OR2L13: variants seen among roughly 807,000 people sequenced by gnomAD.
The protein encoded by OR2L13 is olfactory receptor 2L13.
Under a neutral mutation model 15.3 loss-of-function variants are expected in OR2L13, and 14 were observed. The ratio of observed to expected loss-of-function variants is 0.91; its 90% CI spans 0.60 to 1.43. OR2L13 has a LOEUF of 1.43. Among genes scored for constraint, OR2L13 ranks in the 40% most tolerant of loss-of-function variants. OR2L13 has a pLI of 0.00. For missense variants in OR2L13, 367 were observed against 387.9 expected (o/e 0.95, Z 0.45); for synonymous variants, 152 against 142.9 (o/e 1.06, Z -0.45).
the OR2L13 span, among the ~76,000 whole-genome samples, chr1:248,064,802 T>C: frequency 2.2e-4 from 33 of 152,206 alleles, no homozygotes; most frequent in African/African-American, 7.7e-4. Flanking sequence ...GTATAGGCAA[T>C]GGTAATCCTA....
the OR2L13 span, among the ~76,000 whole-genome samples, chr1:248,024,866 C>A: frequency 2.0e-5 from 3 of 152,184 alleles, no homozygotes; most frequent in African/African-American, 7.2e-5. Context: ...GTTCTTTTGG[C>A]TTAGGATTGA....
the OR2L13 span, among the ~76,000 whole-genome samples, chr1:247,961,007 A>G: frequency 6.6e-6 from 1 of 152,182 alleles, no homozygotes. Flanking sequence ...GGAAATGCAG[A>G]AATTACCCGT....
At chr1:248,079,757 A>G in the OR2L13 span, among the ~76,000 whole-genome samples, 1 of 152,226 alleles carries the variant, frequency 6.6e-6, no homozygotes, top group African/African-American at 2.4e-5. Flanking sequence ...TGCAAAAACT[A>G]ATTGGAAAAG....
At chr1:248,071,237 G>A in the OR2L13 span, among the ~76,000 whole-genome samples, 10 of 152,122 alleles carry the variant, frequency 6.6e-5, no homozygotes, top group African/African-American at 1.9e-4. Flanking sequence ...ATAAAATACT[G>A]GCAAACCGAA....
At chr1:248,067,768 T>A in the OR2L13 span, among the ~76,000 whole-genome samples, 1 of 152,184 alleles carries the variant, frequency 6.6e-6, no homozygotes, top group Non-Finnish European at 1.5e-5. Context: ...AGACGGCACC[T>A]GGAAAATCGG....
At chr1:248,070,927 G>A in the OR2L13 span, among the ~76,000 whole-genome samples, 150 of 152,154 alleles carry the variant, frequency 9.9e-4, no homozygotes, top group African/African-American at 3.4e-3. Context: ...CTAAACCAGG[G>A]AGAAGTTGAA....
At chr1:247,988,660 T>C in the OR2L13 span, among the ~76,000 whole-genome samples, 17 of 152,220 alleles carry the variant, frequency 1.1e-4, 1 homozygote, top group South Asian at 2.1e-3. Flanking sequence ...GGCTCTAAAA[T>C]AATATTTAAG....
the OR2L13 span, chr1:248,003,825 GGAA>G: frequency 1.2e-6 from 2 of 1,613,592 alleles, no homozygotes; most frequent in Admixed American, 3.3e-5. Flanking sequence ...TCTGCAGAAG[GGAA>G]GAAGAAGGCC....
At chr1:248,090,168 C>T in the OR2L13 span, among the ~76,000 whole-genome samples, 3 of 152,126 alleles carry the variant, frequency 2.0e-5, no homozygotes, top group Non-Finnish European at 2.9e-5. Flanking sequence ...CAGCATTTGA[C>T]TTTGCTGTAT....
the OR2L13 span, chr1:248,046,033 C>T: frequency 4.6e-5 from 7 of 152,056 alleles, no homozygotes; most frequent in African/African-American, 1.7e-4. Flanking sequence ...TCACTTTTCT[C>T]AGATAGATGG....
At chr1:248,028,140 CAAAAAAAAAA>C in the OR2L13 span, among the ~76,000 whole-genome samples, 247 of 37,782 alleles carry the variant, frequency 6.5e-3, 4 homozygotes, top group African/African-American at 0.021. Context: ...GATTCCGTCT[CAAAAAAAAAA>C]AAAAAAAAAA....
the OR2L13 span, among the ~76,000 whole-genome samples, chr1:248,036,747 T>C: frequency 2.0e-5 from 3 of 152,178 alleles, no homozygotes; most frequent in Non-Finnish European, 4.4e-5. Context: ...AACTGTCAGG[T>C]TGCTGTTTCC....
the OR2L13 span, among the ~76,000 whole-genome samples, chr1:248,071,687 G>T: frequency 6.3e-3 from 955 of 151,446 alleles, 10 homozygotes; most frequent in Non-Finnish European, 0.011. Flanking sequence ...AAGTCAAATT[G>T]TCCCTGTTTG....
At chr1:247,991,573 T>C in the OR2L13 span, among the ~76,000 whole-genome samples, 2 of 149,302 alleles carry the variant, frequency 1.3e-5, no homozygotes, top group Non-Finnish European at 3.0e-5. Flanking sequence ...AGACTGTAGT[T>C]GACTTAGACT....
At chr1:247,995,245 CTCTA>C in the OR2L13 span, among the ~76,000 whole-genome samples, 1 of 152,188 alleles carries the variant, frequency 6.6e-6, no homozygotes, top group Admixed American at 6.5e-5. Flanking sequence ...ACTTGTTAAA[CTCTA>C]TCTTTCCCTT....
chr1:248,069,499 G>A, the OR2L13 span, among the ~76,000 whole-genome samples: 391 of 152,198 alleles, frequency 2.6e-3, 4 homozygotes, highest in African/African-American at 8.9e-3. Context: ...AGGAACAACC[G>A]GTACTAGCCA....
chr1:248,084,447 G>C, the OR2L13 span: 5 of 1,577,256 alleles, frequency 3.2e-6, no homozygotes, highest in Non-Finnish European at 4.3e-6. Context: ...GAGCCGGCCG[G>C]TCCCGGTGAA....
the OR2L13 span, among the ~76,000 whole-genome samples, chr1:248,042,815 C>G: frequency 0.015 from 2,304 of 152,310 alleles, 29 homozygotes; most frequent in Non-Finnish European, 0.022. Flanking sequence ...TCCTCATCCT[C>G]TCTTCACTAA....
chr1:248,094,848 CT>C (rs1664680833), upstream of OR2L13, among the ~76,000 whole-genome samples: 4 of 152,118 alleles, frequency 2.6e-5, no homozygotes, highest in Non-Finnish European at 5.9e-5. Flanking sequence ...GGTTCCTGCA[CT>C]TTTTTAATCC....
Sources: gnomAD v4.1 joint callset for allele counts (sites outside exome capture counted in the v4.1 genomes callset) on GRCh38, gnomAD v4.1.1 for gene constraint, MANE v1.5 for transcripts, NCBI Gene and HGNC (gene_info 2026-07-23, HGNC 2026-07-21) for gene names.